GRB10: variants seen among roughly 807,000 people sequenced by gnomAD.
GRB10 encodes the protein growth factor receptor bound protein 10, also known as growth factor receptor-bound protein 10.
Under a neutral mutation model 80.9 loss-of-function variants are expected in GRB10, and 20 were observed. That is an observed-to-expected ratio of 0.25 (90% CI 0.17 to 0.36). The LOEUF (loss-of-function observed/expected upper bound fraction) is 0.36. Among genes scored for constraint, GRB10 ranks in the 10% least tolerant of loss-of-function variants. The probability of loss-of-function intolerance (pLI) is 1.00; values close to 1 mark genes in which losing one functional copy is unlikely to be tolerated. For missense variants in GRB10, 548 were observed against 747.7 expected (o/e 0.73, Z 3.12); for synonymous variants, 291 against 291.5 (o/e 1.00, Z 0.02).
intron 2 of GRB10, among the ~76,000 whole-genome samples, chr7:50,758,621 T>C (rs931884435): frequency 1.3e-5 from 2 of 152,190 alleles, no homozygotes; most frequent in African/African-American, 2.4e-5. Context: ...GTATTCAGCC[T>C]GTTCGGCCAG....
chr7:50,614,471 C>T (rs550003907), intron 12 of GRB10, among the ~76,000 whole-genome samples: 6 of 152,302 alleles, frequency 3.9e-5, no homozygotes, highest in Admixed American at 6.5e-5. Context: ...CTTCCAGCTA[C>T]TAGTACTGGG....
At chr7:50,665,227 G>A (rs1314737037) in intron 7 of GRB10, among the ~76,000 whole-genome samples, 1 of 152,242 alleles carries the variant, frequency 6.6e-6, no homozygotes, top group African/African-American at 2.4e-5. Flanking sequence ...TGCCTTCCGT[G>A]AGGGAATAGG....
chr7:50,716,690 G>T (rs1220285356), intron 4 of GRB10, among the ~76,000 whole-genome samples: 1 of 152,138 alleles, frequency 6.6e-6, no homozygotes, highest in African/African-American at 2.4e-5. Context: ...AAAAATATGT[G>T]GGCAGGATTA....
intron 5 of GRB10, among the ~76,000 whole-genome samples, chr7:50,682,250 G>A (rs2061623133): frequency 1.3e-5 from 2 of 152,256 alleles, no homozygotes; most frequent in African/African-American, 4.8e-5. Flanking sequence ...TGTCCAGAGT[G>A]TGGTGAGTCA....
intron 4 of GRB10, among the ~76,000 whole-genome samples, chr7:50,721,953 G>T (rs182138729): frequency 1.3e-5 from 2 of 152,356 alleles, no homozygotes; most frequent in East Asian, 3.9e-4. Flanking sequence ...GACAGCGCGT[G>T]GAGCGGGGAG....
intron 2 of GRB10, among the ~76,000 whole-genome samples, chr7:50,769,636 T>C (rs1489456246): frequency 6.6e-6 from 1 of 152,164 alleles, no homozygotes; most frequent in Non-Finnish European, 1.5e-5. Flanking sequence ...ACCTTTGTGC[T>C]TCAGGAGGTG....
chr7:50,606,463 C>T (rs144455752), intron 13 of GRB10, 49 bp from the exon 14 acceptor site: 1 of 1,396,876 alleles, frequency 7.2e-7, no homozygotes, highest in Non-Finnish European at 1.0e-6. Flanking sequence ...GCCCCGAGGC[C>T]CGGCATGTGA....
intron 7 of GRB10, among the ~76,000 whole-genome samples, chr7:50,637,973 T>C (rs1181899625): frequency 2.0e-5 from 3 of 152,256 alleles, no homozygotes; most frequent in South Asian, 2.1e-4. Context: ...ATTCAATAAA[T>C]AGTGCTGGGA....
At chr7:50,628,699 G>A (rs1166347914) in intron 7 of GRB10, among the ~76,000 whole-genome samples, 6 of 152,174 alleles carry the variant, frequency 3.9e-5, no homozygotes, top group Non-Finnish European at 1.5e-5. Context: ...ACTGCCCCCT[G>A]CCTGCCACCT....
chr7:50,628,396 G>C (rs2053384144), intron 7 of GRB10, among the ~76,000 whole-genome samples: 3 of 152,168 alleles, frequency 2.0e-5, no homozygotes, highest in Non-Finnish European at 4.4e-5. Flanking sequence ...TCTGTGGCCG[G>C]CGTGGAGTCT....
chr7:50,758,413 T>C (rs1234229609), intron 2 of GRB10, among the ~76,000 whole-genome samples: 2 of 152,178 alleles, frequency 1.3e-5, no homozygotes, highest in African/African-American at 2.4e-5. Context: ...TGGGGAAAAA[T>C]AAATAATGTC....
intron 7 of GRB10, 125 bp downstream of exon 7, chr7:50,669,597 G>T: frequency 3.3e-6 from 3 of 916,282 alleles, no homozygotes; most frequent in Admixed American, 3.9e-5. Context: ...AACAAGAAAA[G>T]AACTGAGAGA....
chr7:50,724,019 A>G (rs540016722), intron 4 of GRB10, among the ~76,000 whole-genome samples: 6 of 152,374 alleles, frequency 3.9e-5, no homozygotes, highest in African/African-American at 1.2e-4. Context: ...AAGAGTGGAC[A>G]ACACAGTGGG....
At chr7:50,762,736 T>C (rs964066260) in intron 2 of GRB10, among the ~76,000 whole-genome samples, 1 of 152,312 alleles carries the variant, frequency 6.6e-6, no homozygotes, top group East Asian at 1.9e-4. Flanking sequence ...GTGAGGAAGA[T>C]CTTCATAAGC....
chr7:50,788,065 A>G (rs1240951918), intron 1 of GRB10, among the ~76,000 whole-genome samples: 1 of 152,234 alleles, frequency 6.6e-6, no homozygotes, highest in Non-Finnish European at 1.5e-5. Context: ...CTGGGCAGGA[A>G]GCTGTGGTAC....
intron 14 of GRB10, among the ~76,000 whole-genome samples, chr7:50,605,798 C>T (rs544634328): frequency 1.3e-5 from 2 of 152,254 alleles, no homozygotes; most frequent in South Asian, 2.1e-4. Flanking sequence ...CAGGAAAACT[C>T]GTGGACCCTT....
intron 7 of GRB10, among the ~76,000 whole-genome samples, chr7:50,646,492 T>C (rs1348420322): frequency 6.6e-6 from 1 of 152,242 alleles, no homozygotes; most frequent in South Asian, 2.1e-4. Context: ...GTAGTATTTG[T>C]TTCACTTTTT....
chr7:50,690,308 CAAACAAACAAACAAAA>C (rs2062652326), intron 5 of GRB10, among the ~76,000 whole-genome samples: 1 of 46,448 alleles, frequency 2.2e-5, no homozygotes, highest in African/African-American at 6.9e-5. Context: ...AACAAACAAA[CAAACAAACAAACAAAA>C]AAAACAGAAA....
At chr7:50,691,848 G>T (rs1428415207) in intron 5 of GRB10, among the ~76,000 whole-genome samples, 2 of 152,168 alleles carry the variant, frequency 1.3e-5, no homozygotes, top group African/African-American at 4.8e-5. Flanking sequence ...TTTGGCATCA[G>T]TGTGCAACCG....
Sources: gnomAD v4.1 joint callset for allele counts (sites outside exome capture counted in the v4.1 genomes callset) on GRCh38, gnomAD v4.1.1 for gene constraint, MANE v1.5 for transcripts, NCBI Gene and HGNC (gene_info 2026-07-23, HGNC 2026-07-21) for gene names.